Variants in VEPH1 observed in about 807,000 individuals in gnomAD.
The protein encoded by VEPH1 is ventricular zone expressed PH domain containing 1.
Under a neutral mutation model 85.2 loss-of-function variants are expected in VEPH1, and 80 were observed. The ratio of observed to expected loss-of-function variants is 0.94; its 90% CI spans 0.78 to 1.13. The LOEUF is 1.13. VEPH1 is among the 50% of genes most tolerant of loss of function. The probability of loss-of-function intolerance (pLI) is 0.00; values close to 1 mark genes in which losing one functional copy is unlikely to be tolerated. For missense variants in VEPH1, 955 were observed against 980.5 expected, an observed-to-expected ratio of 0.97 and a Z score of 0.35; for synonymous variants, 297 against 348.0, an observed-to-expected ratio of 0.85 and a Z score of 1.63.
At chr3:157,425,606 C>T (rs146739185) in intron 5 of VEPH1, among the ~76,000 whole-genome samples, 3 of 152,198 alleles carry the variant, frequency 2.0e-5, no homozygotes, top group Non-Finnish European at 1.5e-5. Flanking sequence ...CCATTTGGAA[C>T]AGCTGTATTT....
chr3:157,313,565 T>TC, intron 11 of VEPH1, 56 bp downstream of exon 11: 1 of 1,573,602 alleles, frequency 6.4e-7, no homozygotes, highest in Non-Finnish European at 8.6e-7. Context: ...AGGGAAACTG[T>TC]TTCAAGACAA....
chr3:157,369,192 A>AAAAAAAAAAAAAAAAAAC (rs1553773117), intron 7 of VEPH1, among the ~76,000 whole-genome samples: 6 of 142,702 alleles, frequency 4.2e-5, no homozygotes, highest in Non-Finnish European at 4.7e-5. Context: ...AAAAAAAAAA[A>AAAAAAAAAAAAAAAAAAC]AAAAAAAAAA....
At chr3:157,435,561 C>A (rs745414104) in intron 4 of VEPH1, among the ~76,000 whole-genome samples, 6 of 152,166 alleles carry the variant, frequency 3.9e-5, no homozygotes. Context: ...TCTAACTCTC[C>A]ACCTTTGGCC....
At chr3:157,276,399 A>G (rs1715389050) in intron 12 of VEPH1, among the ~76,000 whole-genome samples, 2 of 152,234 alleles carry the variant, frequency 1.3e-5, no homozygotes, top group South Asian at 4.1e-4. Context: ...GAACCACCCT[A>G]AACTCACTGA....
intron 9 of VEPH1, among the ~76,000 whole-genome samples, chr3:157,328,036 G>A (rs1019150417): frequency 3.3e-5 from 5 of 152,152 alleles, no homozygotes; most frequent in African/African-American, 1.2e-4. Flanking sequence ...CTTTGGGCAA[G>A]TTACATAACC....
At chr3:157,428,625 A>G (rs1208056654) in intron 4 of VEPH1, 137 bp from the exon 5 acceptor site, 1 of 734,324 alleles carries the variant, frequency 1.4e-6, no homozygotes, top group African/African-American at 1.8e-5. Context: ...TGCTAAAAAT[A>G]ACATGGTACC....
intron 9 of VEPH1, among the ~76,000 whole-genome samples, chr3:157,326,816 G>A (rs7630448): frequency 0.042 from 6,461 of 152,232 alleles, 404 homozygotes; most frequent in African/African-American, 0.13. Context: ...TTCACTCCCA[G>A]GTGGCCCTCA....
At chr3:157,387,122 G>A (rs1729388104) in intron 6 of VEPH1, among the ~76,000 whole-genome samples, 1 of 152,170 alleles carries the variant, frequency 6.6e-6, no homozygotes, top group Admixed American at 6.5e-5. Context: ...TGGCCCACAG[G>A]CAGTAATTTG....
At chr3:157,440,011 A>G (rs865886212) in intron 4 of VEPH1, among the ~76,000 whole-genome samples, 11 of 152,230 alleles carry the variant, frequency 7.2e-5, no homozygotes, top group Admixed American at 4.6e-4. Flanking sequence ...CAGCCTCCCA[A>G]AGTGCTGGGA....
rs1736770192 is a variant in VEPH1 at position 157,470,015 on chromosome 3, C to A, written c.354+299G>T. ...TCTTCTGAATTTTTTAGTACTCCTC[C>A]TGTGGGTCTTGGCACATATTGCTTT... On this transcript the variant is annotated intron_variant, in intron 3 of 13. Transcript: ENST00000362010. Among the ~76,000 whole-genome samples the A allele has an allele frequency of 2.0e-5, 3 of 152,250 alleles. No individual in the cohort carries two copies. The South Asian group carries it at 6.2e-4, about 32-fold the overall frequency.
rs183870557 is a variant in VEPH1, at chr3:157,311,302, C to G, written c.2010+2319G>C. 1.8e-3 allele frequency among the ~76,000 whole-genome samples: 269 copies of G among 152,310 alleles called. 2 individuals are homozygous for G. Among genetic ancestry groups the G allele is most frequent in the Middle Eastern group, 0.017 (5 of 294 alleles). On this transcript the variant is annotated intron_variant, in intron 11 of 13. Transcript: ENST00000362010. ...GGCATTAGGAGTTTCTTCCTTCTTT[C>G]TTGTGTGCATTTCGCTGCAGTGAAA...
rs187055533 is a variant in VEPH1 at position 157,465,735 on chromosome 3, G to A, written c.354+4579C>T. 2.6e-4 allele frequency among the ~76,000 whole-genome samples: 39 copies of A among 152,258 alleles called. 1 individual carries two copies. The highest frequency in any genetic ancestry group is 1.4e-3 in the East Asian group (7 of 5,184). On this transcript the variant is annotated intron_variant, in intron 3 of 13. Coordinates refer to ENST00000362010, the MANE Select transcript of VEPH1 (RefSeq NM_001167912.2). ...GGAAGAAGAACTGAGAAGACTGTGC[G>A]GCATCAAGGAGAAGGAACAGCAGGT...
intron 13 of VEPH1, 85 bp from the exon 14 acceptor site, chr3:157,261,455 C>A: frequency 6.5e-7 from 1 of 1,541,808 alleles, no homozygotes; most frequent in Non-Finnish European, 8.7e-7. Context: ...TCTAAGAGGG[C>A]CAGAATCCTT....
chr3:157,261,396 A>G, intron 13 of VEPH1, 26 bp from the exon 14 acceptor site: 2 of 1,611,166 alleles, frequency 1.2e-6, no homozygotes, highest in South Asian at 1.1e-5. Context: ...AGAAAAGAAC[A>G]TGGGCTGGCT....
intron 9 of VEPH1, among the ~76,000 whole-genome samples, chr3:157,343,066 G>C (rs1487777183): frequency 6.6e-6 from 1 of 152,174 alleles, no homozygotes; most frequent in Non-Finnish European, 1.5e-5. Context: ...ATGCCCACAA[G>C]AGAAAGCAGG....
At chr3:157,455,068 T>G (rs547676173) in intron 4 of VEPH1, among the ~76,000 whole-genome samples, 8 of 152,286 alleles carry the variant, frequency 5.3e-5, no homozygotes, top group African/African-American at 1.9e-4. Context: ...TACATGTGTC[T>G]TTTTGGTAGA....
intron 4 of VEPH1, chr3:157,442,955 T>C (rs1285015113): frequency 3.1e-6 from 5 of 1,612,282 alleles, no homozygotes. Context: ...TCCAGCCACA[T>C]GGAGGAGCTC....
At chr3:157,448,197 A>G (rs948019138) in intron 4 of VEPH1, among the ~76,000 whole-genome samples, 14 of 152,162 alleles carry the variant, frequency 9.2e-5, no homozygotes, top group African/African-American at 3.4e-4. Flanking sequence ...AGAAAAAATG[A>G]GCTGAATTTA....
chr3:157,390,182 T>C (rs1374900093), intron 6 of VEPH1, among the ~76,000 whole-genome samples: 1 of 152,234 alleles, frequency 6.6e-6, no homozygotes, highest in Non-Finnish European at 1.5e-5. Flanking sequence ...TGAAATACTT[T>C]TACTTTCTTG....
Sources: allele counts gnomAD v4.1 joint callset (sites outside exome capture counted in the v4.1 genomes callset), GRCh38; gene constraint gnomAD v4.1.1; transcripts MANE v1.5; gene names NCBI Gene and HGNC (gene_info 2026-07-23, HGNC 2026-07-21).